The following PARVB variants were observed in gnomAD, a reference collection of about 807,000 sequenced individuals.
PARVB encodes parvin beta, also known as beta-parvin.
In PARVB, 46 loss-of-function variants were observed where a neutral mutation model predicts 47.0. That is an observed-to-expected ratio of 0.98 (90% CI 0.77 to 1.25). The LOEUF (loss-of-function observed/expected upper bound fraction) is 1.25. Among genes scored for constraint, PARVB ranks in the 50% most tolerant of loss-of-function variants. The probability of loss-of-function intolerance (pLI) is 0.00; values close to 1 mark genes in which losing one functional copy is unlikely to be tolerated. For missense variants in PARVB, 473 were observed against 471.6 expected (o/e 1.00, Z -0.03); for synonymous variants, 196 against 196.3 (o/e 1.00, Z 0.01).
intron 1 of PARVB, among the ~76,000 whole-genome samples, chr22:44,081,369 C>T (rs552946133): frequency 6.6e-6 from 1 of 152,316 alleles, no homozygotes; most frequent in South Asian, 2.1e-4. Flanking sequence ...GGGAGACAGC[C>T]GCTAGAGGGC....
At position 44,154,534 on chromosome 22, in the gene PARVB, GGTGTGTGTGTGT is replaced by G. The variant is rs111362553; in HGVS notation, c.843+2995_843+3006del. ...TGTGTGTGGTTTATGTAGTCTGGTG[GGTGTGTGTGTGT>G]GTGTGTGTGTGGTTTATGTAGTCTG... On this transcript the variant is annotated intron_variant, in intron 10 of 12. Coordinates refer to ENST00000338758, the MANE Select transcript of PARVB (RefSeq NM_013327.5). 2.1e-4 allele frequency among the ~76,000 whole-genome samples: 31 copies of G among 145,014 alleles called. 1 individual carries two copies. In the South Asian group the frequency reaches 6.8e-3, roughly 32 times the overall value.
At chr22:44,071,535 C>G (rs2051654655) in intron 1 of PARVB, among the ~76,000 whole-genome samples, 1 of 152,116 alleles carries the variant, frequency 6.6e-6, no homozygotes, top group African/African-American at 2.4e-5. Context: ...TGGGATCACC[C>G]CCTCCATTGT....
intron 2 of PARVB, among the ~76,000 whole-genome samples, chr22:44,000,118 T>G (rs2050399663): frequency 6.6e-6 from 1 of 152,218 alleles, no homozygotes; most frequent in Non-Finnish European, 1.5e-5. Flanking sequence ...AGGTTTTTCT[T>G]CTACCAAAGG....
intron 2 of PARVB, chr22:43,999,677 A>C (rs757185153): frequency 1.9e-5 from 30 of 1,609,724 alleles, no homozygotes; most frequent in Non-Finnish European, 2.6e-5. Context: ...GGAGGAGGTA[A>C]GTTTTGGGGG....
chr22:44,076,951 A>G (rs1054121438), intron 1 of PARVB, among the ~76,000 whole-genome samples: 1 of 152,092 alleles, frequency 6.6e-6, no homozygotes. Flanking sequence ...TGGAAGTCGA[A>G]TTATGATCAG....
chr22:44,137,708 T>A (rs968310388), intron 7 of PARVB, among the ~76,000 whole-genome samples: 1 of 151,978 alleles, frequency 6.6e-6, no homozygotes, highest in African/African-American at 2.4e-5. Flanking sequence ...TGGTGGTTGG[T>A]GTTGGCCTCC....
intron 11 of PARVB, among the ~76,000 whole-genome samples, chr22:44,161,312 T>C (rs2054046904): frequency 6.8e-6 from 1 of 147,652 alleles, no homozygotes; most frequent in African/African-American, 2.5e-5. Context: ...TCTTTTCTTT[T>C]TTTTTTTTTT....
chr22:44,131,492 C>G lies in PARVB; in HGVS notation c.382C>G (p.Leu128Val), dbSNP rs1369299575. The change falls in exon 5 of 13, where the codon CTG becomes GTG. Residue 128 changes from leucine (L) to valine (V), a missense_variant. By Grantham distance (32) the Leu-to-Val change is conservative. Transcript: ENST00000338758. ...TCTTGTGCTTCTCATTGCAGAAAAACTGGCAGGGTGCAAGCTGAATGTGGC... is the reference window on the plus strand; with the variant it reads ...TCTTGTGCTTCTCATTGCAGAAAAAGTGGCAGGGTGCAAGCTGAATGTGGC... ...GQVLQKLLEK[L>V]AGCKLNVAEV... 1 of 1,613,524 alleles carries G rather than the reference C, an allele frequency of 6.2e-7. No individual in the cohort carries two copies. The highest frequency in any genetic ancestry group is 1.7e-5 in the Admixed American group (1 of 59,868).
At chr22:44,168,470 C>T (rs1208108974) in intron 12 of PARVB, 132 bp from the exon 13 acceptor site, 9 of 674,342 alleles carry the variant, frequency 1.3e-5, no homozygotes, top group Non-Finnish European at 2.2e-5. Context: ...ATGGTGGTGG[C>T]CAGTCTTTAA....
intron 6 of PARVB, 39 bp downstream of exon 6, chr22:44,133,048 C>T: frequency 7.1e-7 from 1 of 1,404,390 alleles, no homozygotes; most frequent in South Asian, 1.2e-5. Context: ...TGTAACTCCG[C>T]CAGAGAGGCA....
chr22:44,075,623 C>A (rs1048207526), intron 1 of PARVB, among the ~76,000 whole-genome samples: 1 of 152,240 alleles, frequency 6.6e-6, no homozygotes, highest in Non-Finnish European at 1.5e-5. Context: ...TCACTCCTGG[C>A]AACCTCTGCT....
chr22:44,032,065 A>G (rs2050835882), intron 1 of PARVB, among the ~76,000 whole-genome samples: 3 of 152,356 alleles, frequency 2.0e-5, no homozygotes, highest in Non-Finnish European at 4.4e-5. Flanking sequence ...GGAGGATATT[A>G]TAAGCATACG....
At chr22:44,079,253 T>C (rs1381046391) in intron 1 of PARVB, among the ~76,000 whole-genome samples, 1 of 152,188 alleles carries the variant, frequency 6.6e-6, no homozygotes, top group African/African-American at 2.4e-5. Flanking sequence ...CCGTTTTTAG[T>C]GACTTGAATG....
intron 12 of PARVB, among the ~76,000 whole-genome samples, chr22:44,166,802 G>A (rs918489513): frequency 6.6e-6 from 1 of 152,256 alleles, no homozygotes; most frequent in South Asian, 2.1e-4. Context: ...CTGATGCAAT[G>A]AATGAGAGAC....
intron 10 of PARVB, among the ~76,000 whole-genome samples, chr22:44,154,600 G>T (rs1451603198): frequency 3.4e-5 from 5 of 147,234 alleles, no homozygotes; most frequent in Admixed American, 1.4e-4. Context: ...TATGTAGTCT[G>T]GTGTGTGTGT....
intron 3 of PARVB, among the ~76,000 whole-genome samples, chr22:44,100,354 C>G (rs138531196): frequency 2.8e-4 from 42 of 152,246 alleles, no homozygotes; most frequent in African/African-American, 1.0e-3. Flanking sequence ...AACGACCAGT[C>G]TTGTGAACTC....
intron 4 of PARVB, among the ~76,000 whole-genome samples, chr22:44,122,520 C>CAGAGAGAGAGAGAGAGAGAGAGAG (rs1569134259): frequency 2.0e-5 from 1 of 49,832 alleles, no homozygotes; most frequent in African/African-American, 7.3e-5. Context: ...GAGAGAGAGA[C>CAGAGAGAGAGAGAGAGAGAGAGAG]AGAGAGACAG....
intron 11 of PARVB, among the ~76,000 whole-genome samples, chr22:44,159,700 A>G (rs959706267): frequency 1.3e-5 from 2 of 152,050 alleles, no homozygotes; most frequent in African/African-American, 4.8e-5. Context: ...TCATGAGCCC[A>G]TAGTATTTAT....
chr22:44,166,774 G>T (rs1305405295), intron 12 of PARVB, among the ~76,000 whole-genome samples: 1 of 152,226 alleles, frequency 6.6e-6, no homozygotes, highest in East Asian at 1.9e-4. Context: ...GTCCCTGCTG[G>T]GCCTCTTTAT....
Sources: allele counts gnomAD v4.1 joint callset (sites outside exome capture counted in the v4.1 genomes callset), GRCh38; gene constraint gnomAD v4.1.1; transcripts MANE v1.5; gene names NCBI Gene and HGNC (gene_info 2026-07-23, HGNC 2026-07-21).